Variants in CLSPN observed in about 807,000 individuals in gnomAD.
CLSPN encodes claspin homolog.
Under a neutral mutation model 156.3 loss-of-function variants are expected in CLSPN, and 85 were observed. That is an observed-to-expected ratio of 0.54 (90% CI 0.46 to 0.65). CLSPN has a LOEUF of 0.65. CLSPN is among the 30% of genes least tolerant of loss of function. The pLI is 0.00. For synonymous variants in CLSPN, 534 were observed against 542.4 expected (o/e 0.98, Z 0.22); for missense variants, 1,407 against 1,554.9 (o/e 0.90, Z 1.60).
Position 35,747,986 on chromosome 1 carries a change from T to C in CLSPN, c.2548A>G (p.Lys850Glu). The change falls in exon 14 of 25, where the codon AAG (lysine) becomes GAG (glutamate). Residue 850 changes from lysine (K) to glutamate (E), a missense_variant. Coordinates refer to ENST00000318121, the MANE Select transcript of CLSPN (RefSeq NM_022111.4). The stretch of plus-strand genomic sequence containing the variant: ...TCTCCTGCTCCTAGGAAAAGTGTCT[T>C]AGGCTCTGGGGAGGCGTTATACAGA... ...QDLYNASPEP[K>E]TLFLGAGDFQ... is the part of the protein sequence containing the mutation. The C allele has an allele frequency of 5.6e-6, 9 of 1,614,206 alleles. No individual in the cohort carries two copies. The highest frequency in any genetic ancestry group is 7.6e-6 in the Non-Finnish European group (9 of 1,180,016).
At chr1:35,729,430 T>C (rs536778307), downstream of CLSPN, among the ~76,000 whole-genome samples, 10 of 152,108 alleles carry the variant, frequency 6.6e-5, no homozygotes, top group South Asian at 2.1e-3. Flanking sequence ...CCATTATGAA[T>C]CCCACCACAG....
rs1185197231 is a variant in CLSPN, at chr1:35,760,867, T to A, written c.1054A>T (p.Asn352Tyr). The A allele has an allele frequency of 6.2e-7, 1 of 1,614,012 alleles. No individual in the cohort carries two copies. The highest frequency in any genetic ancestry group is 8.5e-7 in the Non-Finnish European group (1 of 1,179,908). Residue 352 changes from asparagine (N) to tyrosine (Y), a missense_variant, in exon 8 of 25, where the codon AAT becomes TAT. Around this residue, in one of 3 missense-constraint regions of CLSPN, gnomAD observed 1,096 missense variants for 1,193.0 expected, o/e 0.92. Coordinates refer to ENST00000318121, the MANE Select transcript of CLSPN (RefSeq NM_022111.4). Reference sequence around the variant, plus strand: ...TGATCACTGTTCATTTCAGTAGTATTTGCAGTGTCTATGATTTCTTTGTGA... The same window carrying A: ...TGATCACTGTTCATTTCAGTAGTATATGCAGTGTCTATGATTTCTTTGTGA... ...SHHKEIIDTA[N>Y]TTEMNSDHHS...
At position 35,737,973 on chromosome 1, in the gene CLSPN, A is replaced by G; in HGVS notation, c.3664+19T>C. 7.3e-7 allele frequency: 1 copy of G among 1,372,576 alleles called. No homozygotes were observed. The highest frequency in any genetic ancestry group is 2.2e-5 in the Admixed American group (1 of 45,562). 85.0% of individuals were successfully genotyped at this position (1,372,576 alleles called of 1,614,324 possible). On this transcript the variant is annotated intron_variant, in intron 22 of 24. Coordinates refer to ENST00000318121, the MANE Select transcript of CLSPN (RefSeq NM_022111.4). ...TAACAATCCAGGGGGCTAGACCCTAAGGAGAAACAAGAGCTCACCATTCTT... is the reference window on the plus strand; with the variant it reads ...TAACAATCCAGGGGGCTAGACCCTAGGGAGAAACAAGAGCTCACCATTCTT...
At position 35,769,976 on chromosome 1, in the gene CLSPN, T is replaced by C. The variant is rs1642815334; in HGVS notation, c.-106A>G. 2 of 1,393,002 alleles carry C rather than the reference T, an allele frequency of 1.4e-6. No homozygotes were observed. Among genetic ancestry groups the C allele is most frequent in the Non-Finnish European group, 2.0e-6 (2 of 1,007,006 alleles). The allele number at this position is 1,393,002 out of a possible 1,614,324, so 86.3% of individuals were successfully genotyped here. A position where few individuals can be genotyped will look rare whatever the true frequency, so the allele number is the denominator to read the frequency against. ...TCCAGCCCAGCAGTGCTGTTCTTGC[T>C]TTCCCGCCCAGCCAGAGTGGAGGTC... On this transcript the variant is annotated 5_prime_UTR_variant, in exon 1 of 25. Transcript: ENST00000318121.
At chr1:35,727,576 C>T (rs1400134538), downstream of CLSPN, among the ~76,000 whole-genome samples, 1 of 152,206 alleles carries the variant, frequency 6.6e-6, no homozygotes, top group Non-Finnish European at 1.5e-5. Flanking sequence ...CCTCAGGCTG[C>T]AGGCTCAGTT....
At chr1:35,752,582 GAAAAAAAAA>G (rs58271996) in intron 9 of CLSPN, among the ~76,000 whole-genome samples, 1 of 67,900 alleles carries the variant, frequency 1.5e-5, no homozygotes, top group Non-Finnish European at 2.9e-5. Flanking sequence ...TGTCTTAGAG[GAAAAAAAAA>G]AAAAAAAAAA....
chr1:35,732,314 A>G lies in CLSPN; in HGVS notation c.*4182T>C, dbSNP rs1242108218. 2 of 985,434 alleles carry G rather than the reference A, an allele frequency of 2.0e-6. No individual in the cohort carries two copies. The highest frequency in any genetic ancestry group is 1.7e-5 in the African/African-American group (1 of 57,358). 61.0% of individuals were successfully genotyped at this position (985,434 alleles called of 1,614,324 possible). On this transcript the variant is annotated 3_prime_UTR_variant, in exon 25 of 25. Coordinates refer to ENST00000318121, the MANE Select transcript of CLSPN (RefSeq NM_022111.4). The stretch of plus-strand genomic sequence containing the variant: ...ACAAATCCCAGGACAGGATGCCACA[A>G]GAGTGATTAGACATAACCCTAGGAG...
intron 24 of CLSPN, among the ~76,000 whole-genome samples, chr1:35,723,317 C>G (rs1641115510): frequency 6.6e-6 from 1 of 152,146 alleles, no homozygotes; most frequent in Non-Finnish European, 1.5e-5. Context: ...CCATCAAGAC[C>G]CAATGATGGA....
chr1:35,733,740 G>A lies in CLSPN; in HGVS notation c.*2756C>T, dbSNP rs186653891. The A allele has an allele frequency of 1.1e-4, 106 of 965,364 alleles. No homozygotes were observed. The highest frequency in any genetic ancestry group is 1.1e-4 in the Non-Finnish European group (89 of 811,990). The allele number at this position is 965,364 out of a possible 1,614,324, so 59.8% of individuals were successfully genotyped here. On this transcript the variant is annotated 3_prime_UTR_variant, in exon 25 of 25. Coordinates refer to ENST00000318121, the MANE Select transcript of CLSPN (RefSeq NM_022111.4). ...AGCCTGTGACCCCAGCATTTTGGGA[G>A]GCCAAGGTGGGAGGATTACTTGAGG...
chr1:35,732,434 T>A lies in CLSPN; in HGVS notation c.*4062A>T, dbSNP rs573745578. 3,382 of 985,322 alleles carry A rather than the reference T, an allele frequency of 3.4e-3. 4 individuals are homozygous for A. Among genetic ancestry groups the A allele is most frequent in the Non-Finnish European group, 4.0e-3 (3,280 of 829,888 alleles). 61.0% of individuals were successfully genotyped at this position (985,322 alleles called of 1,614,324 possible). A position where few individuals can be genotyped will look rare whatever the true frequency, so the allele number is the denominator to read the frequency against. On this transcript the variant is annotated 3_prime_UTR_variant, in exon 25 of 25. Coordinates refer to ENST00000318121, the MANE Select transcript of CLSPN (RefSeq NM_022111.4). ...GTTTGTAGAGAAGCAGTTGAGAAAA[T>A]GAGGGATGCCACAGAGATCTGAGTA...
chr1:35,728,918 T>C, downstream of CLSPN, among the ~76,000 whole-genome samples: 1 of 53,118 alleles, frequency 1.9e-5, no homozygotes, highest in African/African-American at 6.8e-5. Context: ...CACCCTCCCC[T>C]CAAACACACA....
downstream of CLSPN, among the ~76,000 whole-genome samples, chr1:35,731,243 T>C (rs150267206): frequency 3.3e-5 from 5 of 151,150 alleles, no homozygotes; most frequent in Middle Eastern, 7.0e-3. Context: ...GGGGTGTTAA[T>C]GGTCAGAGAA....
In CLSPN at chr1:35,760,385, A is replaced by G. The variant is rs765817099; in HGVS notation, c.1536T>C (p.Ala512=). Residue 512 remains alanine, a synonymous_variant, in exon 8 of 25, where the codon GCT becomes GCC. Coordinates refer to ENST00000318121, the MANE Select transcript of CLSPN (RefSeq NM_022111.4). ...CAAGTATCACAAAGGAATCTTCATCAGCACCTAGCCGTGGTTTAATGGAAA... is the reference window on the plus strand; with the variant it reads ...CAAGTATCACAAAGGAATCTTCATCGGCACCTAGCCGTGGTTTAATGGAAA... The part of the protein sequence containing the change: ...VDVSIKPRLG[A]DEDSFVILEP... The G allele has an allele frequency of 1.2e-6, 2 of 1,613,964 alleles. No individual in the cohort carries two copies. Among genetic ancestry groups the G allele is most frequent in the Admixed American group, 1.7e-5 (1 of 59,978 alleles).
rs1343730404 is a variant in CLSPN at position 35,760,550 on chromosome 1, C to T, written c.1371G>A (p.Glu457=). 2 of 1,614,194 alleles carry T rather than the reference C, an allele frequency of 1.2e-6. No individual in the cohort carries two copies. Among genetic ancestry groups the T allele is most frequent in the Non-Finnish European group, 1.7e-6 (2 of 1,180,036 alleles). Residue 457 remains glutamate, a synonymous_variant, in exon 8 of 25, where the codon GAG becomes GAA. Transcript: ENST00000318121. The part of the protein sequence containing the change: ...GLVAFEPHAL[E]GEGPQNPEET... ...CTTCTGGATTTTGGGGGCCTTCACCCTCCAGGGCATGAGGTTCAAATGCTA... is the reference window on the plus strand; with the variant it reads ...CTTCTGGATTTTGGGGGCCTTCACCTTCCAGGGCATGAGGTTCAAATGCTA...
At position 35,763,204 on chromosome 1, in the gene CLSPN, C is replaced by T; in HGVS notation, c.700G>A (p.Glu234Lys). The change falls in exon 4 of 25, where the codon GAA becomes AAA. Residue 234 changes from glutamate to lysine, a missense_variant. Around this residue, in one of 3 missense-constraint regions of CLSPN, gnomAD observed 1,096 missense variants for 1,193.0 expected, o/e 0.92. Coordinates refer to ENST00000318121, the MANE Select transcript of CLSPN (RefSeq NM_022111.4). ...NSPLEDEESL[E>K]SIRAAVKNKV... The stretch of plus-strand genomic sequence containing the variant: ...TTTTTTACAGCTGCTCTTATTGATT[C>T]TAATGACTCTTCATCTTCCAATGGA... 1 of 1,604,852 alleles carries T rather than the reference C, an allele frequency of 6.2e-7. No individual in the cohort carries two copies. Among genetic ancestry groups the T allele is most frequent in the Non-Finnish European group, 8.5e-7 (1 of 1,177,340 alleles).
At chr1:35,747,185 G>A (rs1265822860) in intron 14 of CLSPN, among the ~76,000 whole-genome samples, 193 bp from the exon 15 acceptor site, 3 of 152,172 alleles carry the variant, frequency 2.0e-5, no homozygotes, top group Non-Finnish European at 4.4e-5. Flanking sequence ...AGCCGGGCGT[G>A]GTGGTGGGCG....
At chr1:35,760,265 G>T in intron 8 of CLSPN, 77 bp downstream of exon 8, 2 of 1,157,818 alleles carry the variant, frequency 1.7e-6, no homozygotes, top group Non-Finnish European at 1.2e-6. Flanking sequence ...TGTGTTCTCT[G>T]TCCTCGACAG....
chr1:35,725,425 GAA>G (rs1267347075), intron 24 of CLSPN, among the ~76,000 whole-genome samples: 1 of 152,160 alleles, frequency 6.6e-6, no homozygotes, highest in Non-Finnish European at 1.5e-5. Flanking sequence ...GCTAGACGGA[GAA>G]GCTGAAGTGA....
In CLSPN at chr1:35,764,486, T is replaced by C. The variant is rs1188907200; in HGVS notation, c.362A>G (p.Gln121Arg). Residue 121 changes from glutamine to arginine, a missense_variant, in exon 3 of 25, where the codon CAG (glutamine) becomes CGG (arginine). Gln to Arg is a conservative substitution (Grantham distance 43). This residue lies in a region of CLSPN where 1,096 missense variants were observed against 1,193.0 expected (regional missense o/e 0.92). Coordinates refer to ENST00000318121, the MANE Select transcript of CLSPN (RefSeq NM_022111.4). ...DESYMEKSLYQENLEAQVKPC... is the reference protein window; with the variant it reads ...DESYMEKSLYRENLEAQVKPC... ...TTTCACTTGCGCTTCAAGATTTTCC[T>C]GATACAAAGACTTTTCCATGTAACT... 1 of 1,614,138 alleles carries C rather than the reference T, an allele frequency of 6.2e-7. No individual in the cohort carries two copies. The highest frequency in any genetic ancestry group is 8.5e-7 in the Non-Finnish European group (1 of 1,180,004).
Sources: allele counts gnomAD v4.1 joint callset (sites outside exome capture counted in the v4.1 genomes callset), GRCh38; gene constraint gnomAD v4.1.1; regional missense constraint gnomAD v4.1.1; transcripts MANE v1.5; gene names NCBI Gene and HGNC (gene_info 2026-07-23, HGNC 2026-07-21).